MUCL3: variants seen among roughly 807,000 people sequenced by gnomAD.
MUCL3 encodes the protein mucin like 3.
MUCL3 carries 42 observed loss-of-function variants against 70.2 expected under a neutral mutation model. That is an observed-to-expected ratio of 0.60 (90% CI 0.47 to 0.77). The LOEUF is 0.77. Among genes scored for constraint, MUCL3 ranks in the 30% least tolerant of loss-of-function variants. The probability of loss-of-function intolerance (pLI) is 0.00; values close to 1 mark genes in which losing one functional copy is unlikely to be tolerated. For missense variants in MUCL3, 1,429 were observed against 1,670.0 expected, an observed-to-expected ratio of 0.86 and a Z score of 2.52; for synonymous variants, 522 against 647.0, an observed-to-expected ratio of 0.81 and a Z score of 2.93.
chr6:30,952,607 C>T lies in MUCL3; in HGVS notation c.4035+108C>T, dbSNP rs981266851. Reference sequence around the variant, plus strand: ...AATGAGTCTAGGAAAAGAGACATGGCAGAAGTGGGAGGAACAGTAATAGAG... The same window carrying T: ...AATGAGTCTAGGAAAAGAGACATGGTAGAAGTGGGAGGAACAGTAATAGAG... On this transcript the variant is annotated intron_variant, in intron 2 of 2. Transcript: ENST00000462446. The T allele has an allele frequency of 3.2e-6, 4 of 1,244,542 alleles. No homozygotes were observed. In the South Asian group the frequency reaches 4.8e-5, roughly 15 times the overall value. The allele number at this position is 1,244,542 out of a possible 1,614,324, so 77.1% of individuals were successfully genotyped here.
At chr6:30,941,201 C>T (rs1437967819) in intron 1 of MUCL3, 120 bp downstream of exon 1, 2 of 1,222,710 alleles carry the variant, frequency 1.6e-6, no homozygotes, top group African/African-American at 3.0e-5. Context: ...AGACAGTTGT[C>T]TAGAGTGTTC....
Position 30,949,495 on chromosome 6 carries a change from A to G in MUCL3, c.1031A>G (p.Glu344Gly). The G allele has an allele frequency of 1.9e-6, 3 of 1,550,784 alleles. No individual in the cohort carries two copies. The highest frequency in any genetic ancestry group is 2.6e-6 in the Non-Finnish European group (3 of 1,146,706). ...GCACCATTCCCAGCAGGGCCTACAG[A>G]AAATAGAGAAATGACAGCCAATGAG... ...NTAPFPAGPT[E>G]NREMTANENT... The change falls in exon 2 of 3, where the codon GAA becomes GGA. Residue 344 changes from glutamate to glycine, a missense_variant. Physicochemically the swap from Glu to Gly is moderately conservative, Grantham distance 98. Coordinates refer to ENST00000462446, the MANE Select transcript of MUCL3 (RefSeq NM_080870.4).
Position 30,951,440 on chromosome 6 carries a change from G to T in MUCL3, c.2976G>T (p.Glu992Asp), listed in dbSNP as rs1039835483. The change falls in exon 2 of 3, where the codon GAG becomes GAT. Residue 992 changes from glutamate to aspartate, a missense_variant. Coordinates refer to ENST00000462446, the MANE Select transcript of MUCL3 (RefSeq NM_080870.4). ...ENGERTPLANENTTTSPTEST... is the reference protein window; with the variant it reads ...ENGERTPLANDNTTTSPTEST... The stretch of plus-strand genomic sequence containing the variant: ...GAGAAAGGACCCCACTGGCCAATGA[G>T]AACACCACAACATCCCCAACAGAGT... 1.9e-6 allele frequency: 3 copies of T among 1,549,146 alleles called. No homozygotes were observed. Among genetic ancestry groups the T allele is most frequent in the Non-Finnish European group, 2.6e-6 (3 of 1,146,784 alleles).
chr6:30,952,817 G>A (rs1343589487), intron 2 of MUCL3, among the ~76,000 whole-genome samples, 154 bp from the exon 3 acceptor site: 1 of 152,140 alleles, frequency 6.6e-6, no homozygotes, highest in Non-Finnish European at 1.5e-5. Context: ...TGGGGAACTG[G>A]AGATGGAGCT....
chr6:30,951,466 C>T lies in MUCL3; in HGVS notation c.3002C>T (p.Ser1001Phe), dbSNP rs1236134666. Residue 1001 changes from serine (S) to phenylalanine (F), a missense_variant, in exon 2 of 3, where the codon TCT becomes TTT. Transcript: ENST00000462446. ...NENTTTSPTE[S>F]TEHGERTANE... is the part of the protein sequence containing the mutation. ...AACACCACAACATCCCCAACAGAGT[C>T]TACAGAACATGGAGAAAGGACAGCC... The T allele has an allele frequency of 2.6e-6, 4 of 1,550,206 alleles. No individual in the cohort carries two copies. The African/African-American group carries it at 5.5e-5, about 21-fold the overall frequency.
chr6:30,948,896 C>G lies in MUCL3; in HGVS notation c.432C>G (p.Asp144Glu), dbSNP rs1562489131. 1.9e-6 allele frequency: 3 copies of G among 1,550,952 alleles called. No individual in the cohort carries two copies. The highest frequency in any genetic ancestry group is 2.7e-5 in the African/African-American group (2 of 72,900). ...IRNQRSVDPA[D>E]STTTHKESAG... The stretch of plus-strand genomic sequence containing the variant: ...ACCAGCGCTCTGTTGATCCTGCTGA[C>G]TCCACTACCACACATAAAGAATCCG... Residue 144 changes from aspartate to glutamate, a missense_variant, in exon 2 of 3, where the codon GAC (aspartate) becomes GAG (glutamate). Coordinates refer to ENST00000462446, the MANE Select transcript of MUCL3 (RefSeq NM_080870.4).
chr6:30,949,501 G>C lies in MUCL3; in HGVS notation c.1037G>C (p.Arg346Thr). ...APFPAGPTEN[R>T]EMTANENTTL... ...TTCCCAGCAGGGCCTACAGAAAATAGAGAAATGACAGCCAATGAGAATACC... is the reference window on the plus strand; with the variant it reads ...TTCCCAGCAGGGCCTACAGAAAATACAGAAATGACAGCCAATGAGAATACC... The change falls in exon 2 of 3, where the codon AGA becomes ACA. Residue 346 changes from arginine to threonine, a missense_variant. Physicochemically the swap from Arg to Thr is moderately conservative, Grantham distance 71 (BLOSUM62 -1). Coordinates refer to ENST00000462446, the MANE Select transcript of MUCL3 (RefSeq NM_080870.4). 1 of 1,549,124 alleles carries C rather than the reference G, an allele frequency of 6.5e-7. No individual in the cohort carries two copies.
At chr6:30,952,911 A>G in intron 2 of MUCL3, 60 bp from the exon 3 acceptor site, 1 of 1,587,634 alleles carries the variant, frequency 6.3e-7, no homozygotes, top group Non-Finnish European at 8.6e-7. Flanking sequence ...ACCTGAGGTG[A>G]GTGTTGTGGA....
chr6:30,943,429 G>C (rs992041254), intron 1 of MUCL3, among the ~76,000 whole-genome samples: 2 of 152,170 alleles, frequency 1.3e-5, no homozygotes, highest in African/African-American at 4.8e-5. Context: ...GGGAGCACAG[G>C]TGCAGTCTAG....
Position 30,952,090 on chromosome 6 carries a change from C to G in MUCL3, c.3626C>G (p.Thr1209Arg). 1 of 1,608,068 alleles carries G rather than the reference C, an allele frequency of 6.2e-7. No homozygotes were observed. The highest frequency in any genetic ancestry group is 8.5e-7 in the Non-Finnish European group (1 of 1,178,624). ...GKNTPVPEKP[T>R]ENLGNTTLTT... is the part of the protein sequence containing the mutation. ...AACACACCAGTCCCAGAAAAGCCTA[C>G]AGAAAACCTGGGGAACACCACACTG... Residue 1209 changes from threonine (T) to arginine (R), a missense_variant, in exon 2 of 3, where the codon ACA becomes AGA. Physicochemically the swap from Thr to Arg is moderately conservative, Grantham distance 71. Transcript: ENST00000462446.
intron 2 of MUCL3, 60 bp downstream of exon 2, chr6:30,952,559 T>C: frequency 1.3e-6 from 2 of 1,507,830 alleles, no homozygotes; most frequent in Admixed American, 4.4e-5. Context: ...GAGGATACAT[T>C]AGGGGTCAGA....
In MUCL3 at chr6:30,948,597, G is replaced by A. The variant is rs1760425002; in HGVS notation, c.133G>A (p.Asp45Asn). Residue 45 changes from aspartate (D) to asparagine (N), a missense_variant, in exon 2 of 3, where the codon GAT becomes AAT. Coordinates refer to ENST00000462446, the MANE Select transcript of MUCL3 (RefSeq NM_080870.4). ...GAAAACTGGGGAACTCTCAACATCC[G>A]ATCACATATTTCCCCTCACTCCAGG... ...YQKTGELSTS[D>N]HIFPLTPGLV... The A allele has an allele frequency of 4.5e-6, 7 of 1,548,166 alleles. No individual in the cohort carries two copies. The highest frequency in any genetic ancestry group is 1.4e-5 in the African/African-American group (1 of 72,808).
Position 30,948,688 on chromosome 6 carries a change from C to G in MUCL3, c.224C>G (p.Pro75Arg). 4 of 1,551,584 alleles carry G rather than the reference C, an allele frequency of 2.6e-6. No homozygotes were observed. Among genetic ancestry groups the G allele is most frequent in the Non-Finnish European group, 3.5e-6 (4 of 1,146,956 alleles). The change falls in exon 2 of 3, where the codon CCT (proline) becomes CGT (arginine). Residue 75 changes from proline to arginine, a missense_variant. By Grantham distance (103) the Pro-to-Arg change is moderately radical. Transcript: ENST00000462446. The stretch of plus-strand genomic sequence containing the variant: ...TCAGGACAAAGACCTCCAGAGCTCC[C>G]TAAATCTACAGAAATCCATGAGCAA... ...LHSGQRPPEL[P>R]KSTEIHEQKR...
At position 30,952,395 on chromosome 6, in the gene MUCL3, G is replaced by A. The variant is rs140721086; in HGVS notation, c.3931G>A (p.Ala1311Thr). 495 of 1,614,064 alleles carry A rather than the reference G, an allele frequency of 3.1e-4. No individual in the cohort carries two copies. The highest frequency in any genetic ancestry group is 3.8e-4 in the Non-Finnish European group (451 of 1,180,044). Residue 1311 changes from alanine to threonine, a missense_variant, in exon 2 of 3, where the codon GCT becomes ACT. Ala to Thr is a moderately conservative substitution (Grantham distance 58). Transcript: ENST00000462446. ...NKDGSQKGIH[A>T]GQMGENDSFP... ...AGATGGCTCACAGAAAGGTATCCAC[G>A]CTGGACAGATGGGAGAGAATGATTC...
chr6:30,941,448 CTTCTTCTTCTTTTT>C (rs1293858644), intron 1 of MUCL3, among the ~76,000 whole-genome samples: 2 of 108,858 alleles, frequency 1.8e-5, no homozygotes, highest in Admixed American at 1.1e-4. Flanking sequence ...TCTTCTTCTT[CTTCTTCTTCTTTTT>C]TTTTTTTTTT....
chr6:30,942,878 G>A (rs1795636872), intron 1 of MUCL3, among the ~76,000 whole-genome samples: 1 of 152,184 alleles, frequency 6.6e-6, no homozygotes, highest in African/African-American at 2.4e-5. Flanking sequence ...GCGTGGTCTC[G>A]GAGAGGAGAT....
chr6:30,950,106 G>C lies in MUCL3; in HGVS notation c.1642G>C (p.Ala548Pro). Residue 548 changes from alanine (A) to proline (P), a missense_variant, in exon 2 of 3, where the codon GCC (alanine) becomes CCC (proline). Transcript: ENST00000462446. Reference sequence around the variant, plus strand: ...GCCTACAGAAAATAGAGAAAGGACAGCCAATGAGAAGACCACACCATCCCC... The same window carrying C: ...GCCTACAGAAAATAGAGAAAGGACACCCAATGAGAAGACCACACCATCCCC... ...AEPTENRERT[A>P]NEKTTPSPAE... The C allele has an allele frequency of 1.3e-6, 2 of 1,550,678 alleles. No individual in the cohort carries two copies. Among genetic ancestry groups the C allele is most frequent in the Non-Finnish European group, 1.7e-6 (2 of 1,146,876 alleles).
In MUCL3 at chr6:30,951,899, T is replaced by C. The variant is rs1417319373; in HGVS notation, c.3435T>C (p.Pro1145=). 1 of 1,612,798 alleles carries C rather than the reference T, an allele frequency of 6.2e-7. No homozygotes were observed. Among genetic ancestry groups the C allele is most frequent in the Admixed American group, 1.7e-5 (1 of 59,890 alleles). The change falls in exon 2 of 3, where the codon CCT becomes CCC. Residue 1145 remains proline (P), a synonymous_variant. Coordinates refer to ENST00000462446, the MANE Select transcript of MUCL3 (RefSeq NM_080870.4). ...ANVITPAPAE[P]IKHAKRTTLA... ...TGATCACACCAGCCCCAGCAGAGCCTATAAAACATGCAAAAAGGACCACAT... is the reference window on the plus strand; with the variant it reads ...TGATCACACCAGCCCCAGCAGAGCCCATAAAACATGCAAAAAGGACCACAT...
chr6:30,951,154 C>G lies in MUCL3; in HGVS notation c.2690C>G (p.Pro897Arg), dbSNP rs1487179889. 5 of 1,550,672 alleles carry G rather than the reference C, an allele frequency of 3.2e-6. No individual in the cohort carries two copies. The African/African-American group carries it at 6.9e-5, about 21-fold the overall frequency. ...GCCAATGAGAAGACCACACTATCCC[C>G]AGCAGAGCCTACAGAAAATGGAGAA... The part of the protein sequence containing the change: ...PLANEKTTLS[P>R]AEPTENGERT... Residue 897 changes from proline (P) to arginine (R), a missense_variant, in exon 2 of 3, where the codon CCA (proline) becomes CGA (arginine). Coordinates refer to ENST00000462446, the MANE Select transcript of MUCL3 (RefSeq NM_080870.4).
Sources: allele counts gnomAD v4.1 joint callset (sites outside exome capture counted in the v4.1 genomes callset), GRCh38; gene constraint gnomAD v4.1.1; transcripts MANE v1.5; gene names NCBI Gene and HGNC (gene_info 2026-07-23, HGNC 2026-07-21).